Variants in CAMTA1 observed in about 807,000 individuals in gnomAD.
CAMTA1 encodes calmodulin-binding transcription activator 1.
A neutral mutation model predicts 170.9 loss-of-function variants in CAMTA1; 27 were observed. The observed-to-expected ratio is 0.16, with a 90% CI of 0.12 to 0.22. The LOEUF (loss-of-function observed/expected upper bound fraction) is 0.22, where lower values mean the gene tolerates loss of function less well. Among genes scored for constraint, CAMTA1 ranks in the 10% least tolerant of loss-of-function variants. The pLI, the probability that CAMTA1 is intolerant of heterozygous loss-of-function variation, is 1.00. For synonymous variants in CAMTA1, 833 were observed against 891.5 expected, an observed-to-expected ratio of 0.93 and a Z score of 1.17; for missense variants, 1,619 against 2,217.2, an observed-to-expected ratio of 0.73 and a Z score of 5.42.
intron 6 of CAMTA1, among the ~76,000 whole-genome samples, chr1:7,579,252 T>G (rs925805636): frequency 2.6e-5 from 4 of 152,342 alleles, no homozygotes; most frequent in East Asian, 3.9e-4. Flanking sequence ...CTTTGACCAT[T>G]GCATGGTTGC....
chr1:7,132,822 A>T (rs920133209), intron 4 of CAMTA1, among the ~76,000 whole-genome samples: 8 of 152,118 alleles, frequency 5.3e-5, no homozygotes, highest in African/African-American at 1.9e-4. Context: ...TCATGAATGG[A>T]TGTTGGATTT....
rs574584730 is a variant in CAMTA1, at chr1:7,224,281, G to T, written c.303-25210G>T. 6.6e-6 allele frequency among the ~76,000 whole-genome samples: 1 copy of T among 152,242 alleles called. No homozygotes were observed. Among genetic ancestry groups the T allele is most frequent in the Admixed American group, 6.5e-5 (1 of 15,288 alleles). ...AAACATAATCGCTGCTCAAGGTCAG[G>T]CTGTGCCCAGTGGCCGAGGCGCTTG... On this transcript the variant is annotated intron_variant, in intron 4 of 22. Coordinates refer to ENST00000303635, the MANE Select transcript of CAMTA1 (RefSeq NM_015215.4). The surrounding 1 kb of genome is among the most constrained non-coding windows in gnomAD (Gnocchi z 5.2).
Position 7,737,002 on chromosome 1 carries a change from C to T in CAMTA1, c.3335C>T (p.Thr1112Ile). The T allele has an allele frequency of 1.2e-6, 2 of 1,610,172 alleles. No individual in the cohort carries two copies. Among genetic ancestry groups the T allele is most frequent in the Non-Finnish European group, 1.7e-6 (2 of 1,176,800 alleles). The change falls in exon 14 of 23, where the codon ACT becomes ATT. Residue 1112 changes from threonine to isoleucine, a missense_variant. Coordinates refer to ENST00000303635, the MANE Select transcript of CAMTA1 (RefSeq NM_015215.4). ...DPLNVDHFSC[T>I]PLMWACALGH... is the part of the protein sequence containing the mutation. The stretch of plus-strand genomic sequence containing the variant: ...TTGAATGTGGACCACTTCTCCTGTA[C>T]TCCTCTGGTAAGGAATGGATTCCTG...
intron 5 of CAMTA1, among the ~76,000 whole-genome samples, chr1:7,310,905 A>AT (rs1224971449): frequency 6.6e-6 from 1 of 151,356 alleles, no homozygotes; most frequent in African/African-American, 2.4e-5. Context: ...TAATTTTTGT[A>AT]TTTTTAGTAG....
At chr1:7,477,069 G>A (rs1205582654) in intron 6 of CAMTA1, among the ~76,000 whole-genome samples, 3 of 152,208 alleles carry the variant, frequency 2.0e-5, no homozygotes, top group Admixed American at 2.0e-4. Context: ...AGGGCAAGGG[G>A]GTGTGAGGGA....
At chr1:7,647,385 G>A (rs970336236) in intron 7 of CAMTA1, among the ~76,000 whole-genome samples, 4 of 152,164 alleles carry the variant, frequency 2.6e-5, no homozygotes, top group Non-Finnish European at 4.4e-5. Flanking sequence ...CCTGGGGCTC[G>A]CGGAGCCGTT....
intron 7 of CAMTA1, among the ~76,000 whole-genome samples, chr1:7,647,920 C>CA (rs2095820794): frequency 1.3e-5 from 2 of 152,166 alleles, no homozygotes; most frequent in African/African-American, 4.8e-5. Context: ...CCTGTCTCTA[C>CA]AAAAAATAGA....
At chr1:6,920,333 G>T (rs536337767) in intron 3 of CAMTA1, among the ~76,000 whole-genome samples, 3 of 152,212 alleles carry the variant, frequency 2.0e-5, no homozygotes, top group Admixed American at 6.5e-5. Flanking sequence ...TCTGGGTCAC[G>T]ATGGTGCAAG....
intron 3 of CAMTA1, among the ~76,000 whole-genome samples, chr1:6,951,200 T>A (rs534229335): frequency 8.5e-5 from 13 of 152,192 alleles, no homozygotes; most frequent in Non-Finnish European, 1.6e-4. Context: ...AACTCACAGT[T>A]AAAACAGGAG....
intron 6 of CAMTA1, among the ~76,000 whole-genome samples, chr1:7,486,430 T>G (rs1169265421): frequency 6.6e-6 from 1 of 152,188 alleles, no homozygotes; most frequent in African/African-American, 2.4e-5. Context: ...TCCAACCTCC[T>G]AGGACCTGTT....
At chr1:6,909,948 G>C (rs771682815) in intron 3 of CAMTA1, among the ~76,000 whole-genome samples, 1 of 152,204 alleles carries the variant, frequency 6.6e-6, no homozygotes, top group African/African-American at 2.4e-5. Flanking sequence ...TTGCCCCAAG[G>C]GTGGCCCAGC....
chr1:7,642,860 A>G lies in CAMTA1; in HGVS notation c.664+2307A>G, dbSNP rs2095775286. ...CCAGCCATCTCAGGGGGCCCGGCTC[A>G]GCTCCTCCACCCCTGCACACCATGT... On this transcript the variant is annotated intron_variant, in intron 7 of 22. Coordinates refer to ENST00000303635, the MANE Select transcript of CAMTA1 (RefSeq NM_015215.4). The surrounding 1 kb of genome is among the most constrained non-coding windows in gnomAD (Gnocchi z 6.3). Among the ~76,000 whole-genome samples, 1 of 152,088 alleles carries G rather than the reference A, an allele frequency of 6.6e-6. No homozygotes were observed. The highest frequency in any genetic ancestry group is 1.5e-5 in the Non-Finnish European group (1 of 68,002).
At chr1:7,161,702 T>A (rs1647241773) in intron 4 of CAMTA1, among the ~76,000 whole-genome samples, 1 of 152,200 alleles carries the variant, frequency 6.6e-6, no homozygotes, top group Non-Finnish European at 1.5e-5. Flanking sequence ...AATAAACCTC[T>A]TTCTTTTGTA....
chr1:7,134,097 A>G (rs1469061169), intron 4 of CAMTA1, among the ~76,000 whole-genome samples: 2 of 152,080 alleles, frequency 1.3e-5, no homozygotes, highest in Admixed American at 6.6e-5. Flanking sequence ...TCCCATTTCT[A>G]TGTCCATGAG....
At chr1:7,080,763 A>G (rs752158964) in intron 3 of CAMTA1, among the ~76,000 whole-genome samples, 1 of 152,156 alleles carries the variant, frequency 6.6e-6, no homozygotes, top group Non-Finnish European at 1.5e-5. Context: ...GATTATTCTT[A>G]TATCAGTCAG....
intron 3 of CAMTA1, among the ~76,000 whole-genome samples, chr1:6,850,915 C>A (rs1660124625): frequency 6.6e-6 from 1 of 152,180 alleles, no homozygotes; most frequent in Non-Finnish European, 1.5e-5. Flanking sequence ...GTATTGAAGT[C>A]CAGCTCCAGA....
At chr1:7,502,437 C>T (rs1273231882) in intron 6 of CAMTA1, among the ~76,000 whole-genome samples, 1 of 152,230 alleles carries the variant, frequency 6.6e-6, no homozygotes, top group African/African-American at 2.4e-5. Context: ...TCCGGCAGCT[C>T]AGCAGAATCT....
chr1:7,194,266 T>C (rs1185962475), intron 4 of CAMTA1, among the ~76,000 whole-genome samples: 1 of 152,234 alleles, frequency 6.6e-6, no homozygotes. Context: ...AAAACAGCTC[T>C]GTCCTCCAAA....
intron 11 of CAMTA1, among the ~76,000 whole-genome samples, chr1:7,712,114 T>C (rs935631856): frequency 2.0e-5 from 3 of 152,214 alleles, no homozygotes; most frequent in African/African-American, 7.2e-5. Context: ...CGCATTTATA[T>C]ATTAAGTGAT....
Sources: gnomAD v4.1 joint callset for allele counts (sites outside exome capture counted in the v4.1 genomes callset) on GRCh38, gnomAD v4.1.1 for gene constraint, Gnocchi (gnomAD v3.1) non-coding constraint, MANE v1.5 for transcripts, NCBI Gene and HGNC (gene_info 2026-07-23, HGNC 2026-07-21) for gene names.